The following NRXN3 variants were observed in gnomAD, a reference collection of about 807,000 sequenced individuals.
NRXN3 encodes neurexin III.
NRXN3 carries 32 observed loss-of-function variants against 137.6 expected under a neutral mutation model. The observed-to-expected ratio is 0.23, with a 90% CI of 0.18 to 0.31. NRXN3 has a LOEUF of 0.31. NRXN3 is among the 10% of genes least tolerant of loss of function. The probability of loss-of-function intolerance (pLI) is 1.00; values close to 1 mark genes in which losing one functional copy is unlikely to be tolerated. For synonymous variants in NRXN3, 798 were observed against 784.5 expected, an observed-to-expected ratio of 1.02 and a Z score of -0.29; for missense variants, 1,574 against 2,062.5, an observed-to-expected ratio of 0.76 and a Z score of 4.59.
chr14:79,525,147 T>TG (rs1420621917), intron 16 of NRXN3, among the ~76,000 whole-genome samples: 1 of 152,158 alleles, frequency 6.6e-6, no homozygotes, highest in Non-Finnish European at 1.5e-5. Context: ...TGGCTAGCAT[T>TG]GGGGAAGAAT....
chr14:79,089,264 A>G (rs1447028437), intron 15 of NRXN3, among the ~76,000 whole-genome samples: 3 of 152,200 alleles, frequency 2.0e-5, no homozygotes, highest in Non-Finnish European at 2.9e-5. Flanking sequence ...TTTATAATTT[A>G]CATACCAAAT....
chr14:79,237,053 A>T (rs1276496665), intron 15 of NRXN3, among the ~76,000 whole-genome samples: 2 of 151,780 alleles, frequency 1.3e-5, no homozygotes, highest in Non-Finnish European at 2.9e-5. Flanking sequence ...ACTGCACACT[A>T]ATTATACTGT....
chr14:79,181,385 G>A (rs552753893), intron 15 of NRXN3, among the ~76,000 whole-genome samples: 9 of 152,044 alleles, frequency 5.9e-5, no homozygotes, highest in Non-Finnish European at 1.2e-4. Flanking sequence ...CCCTTAAAGA[G>A]CTTATGATGA....
Position 79,410,167 on chromosome 14 carries a change from C to T in NRXN3, c.3263-57054C>T, listed in dbSNP as rs972175560. Among the ~76,000 whole-genome samples the T allele has an allele frequency of 5.9e-5, 9 of 151,538 alleles. No individual in the cohort carries two copies. In the South Asian group the frequency reaches 8.3e-4, roughly 14 times the overall value. ...GTAATTTTCATGTCTTCCTCATTAC[C>T]GTAAAATATAATGCTTATTTGAGAC... On this transcript the variant is annotated intron_variant, in intron 15 of 20. Coordinates refer to ENST00000335750, the MANE Select transcript of NRXN3 (RefSeq NM_001330195.2).
chr14:79,685,679 AGAG>A (rs2098691843), intron 17 of NRXN3, among the ~76,000 whole-genome samples: 2 of 152,232 alleles, frequency 1.3e-5, no homozygotes, highest in South Asian at 4.1e-4. Context: ...TATCCTTGAT[AGAG>A]GAGGAGAAAT....
chr14:78,711,434 CTTTTTTTTTTTTT>C (rs35251417), intron 7 of NRXN3, among the ~76,000 whole-genome samples: 1 of 99,088 alleles, frequency 1.0e-5, no homozygotes, highest in Non-Finnish European at 1.9e-5. Context: ...ATTCTTTTCT[CTTTTTTTTTTTTT>C]TTTTTTTTTT....
At chr14:79,437,419 A>T (rs1360369882) in intron 15 of NRXN3, among the ~76,000 whole-genome samples, 1 of 152,000 alleles carries the variant, frequency 6.6e-6, no homozygotes, top group East Asian at 1.9e-4. Context: ...GCGTTCTAAA[A>T]AAAAAAAAAA....
intron 15 of NRXN3, among the ~76,000 whole-genome samples, chr14:79,006,848 G>A (rs1188665157): frequency 6.6e-6 from 1 of 151,974 alleles, no homozygotes; most frequent in African/African-American, 2.4e-5. Flanking sequence ...TTTTTTCCCT[G>A]ATGTAGATAA....
chr14:78,758,249 T>C (rs758951945), intron 8 of NRXN3, among the ~76,000 whole-genome samples: 1 of 152,228 alleles, frequency 6.6e-6, no homozygotes, highest in Non-Finnish European at 1.5e-5. Flanking sequence ...AATGAACGTA[T>C]TGTTTTGCTT....
In NRXN3 at chr14:79,862,205, T is replaced by G; in HGVS notation, c.*241T>G. 1 of 470,306 alleles carries G rather than the reference T, an allele frequency of 2.1e-6. No individual in the cohort carries two copies. The highest frequency in any genetic ancestry group is 3.9e-6 in the Non-Finnish European group (1 of 259,056). 29.1% of individuals were successfully genotyped at this position (470,306 alleles called of 1,614,324 possible). On this transcript the variant is annotated 3_prime_UTR_variant, in exon 21 of 21. Coordinates refer to ENST00000335750, the MANE Select transcript of NRXN3 (RefSeq NM_001330195.2). ...CCAGCGGTCGCTGGGAGACAGAAGGTTTTGTGCCCTGCTGTATCATAAAGC... is the reference window on the plus strand; with the variant it reads ...CCAGCGGTCGCTGGGAGACAGAAGGGTTTGTGCCCTGCTGTATCATAAAGC...
At chr14:78,975,055 A>G (rs1468339394) in intron 14 of NRXN3, among the ~76,000 whole-genome samples, 1 of 152,136 alleles carries the variant, frequency 6.6e-6, no homozygotes, top group East Asian at 1.9e-4. Context: ...GTGTTGTTGA[A>G]TTTAACAGGA....
chr14:79,540,115 C>G (rs761094278), intron 16 of NRXN3, among the ~76,000 whole-genome samples: 4 of 152,006 alleles, frequency 2.6e-5, no homozygotes, highest in Admixed American at 6.6e-5. Flanking sequence ...TTTATGCTCA[C>G]CTAGTGTAGT....
intron 10 of NRXN3, among the ~76,000 whole-genome samples, chr14:78,814,743 A>G (rs78228267): frequency 0.021 from 3,271 of 152,290 alleles, 121 homozygotes; most frequent in African/African-American, 0.074. Context: ...CGCGGTTCTG[A>G]AAACAGGTAT....
In NRXN3 at chr14:78,300,687, T is replaced by C. The variant is rs1287927171; in HGVS notation, c.757+2827T>C. 4 of 1,529,802 alleles carry C rather than the reference T, an allele frequency of 2.6e-6. No individual in the cohort carries two copies. In the East Asian group the frequency reaches 9.8e-5, roughly 37 times the overall value. The allele number at this position is 1,529,802 out of a possible 1,614,324, so 94.8% of individuals were successfully genotyped here. ...GGACCTTCATTTCTGTAGGTAGAAG[T>C]AAAGGTAGAGCTCACTTTATTTTTA... On this transcript the variant is annotated intron_variant, in intron 4 of 20. Coordinates refer to ENST00000335750, the MANE Select transcript of NRXN3 (RefSeq NM_001330195.2).
chr14:79,490,826 T>A (rs2096709843), intron 16 of NRXN3, among the ~76,000 whole-genome samples: 1 of 152,188 alleles, frequency 6.6e-6, no homozygotes, highest in Non-Finnish European at 1.5e-5. Flanking sequence ...TTGGATTGTT[T>A]GCAACTCAAT....
chr14:79,299,913 C>G (rs1208886215), intron 15 of NRXN3, among the ~76,000 whole-genome samples: 1 of 152,068 alleles, frequency 6.6e-6, no homozygotes, highest in African/African-American at 2.4e-5. Context: ...ATTTGAGCAT[C>G]CATTCAGCAT....
intron 6 of NRXN3, among the ~76,000 whole-genome samples, chr14:78,665,171 A>G (rs577798993): frequency 2.0e-5 from 3 of 152,332 alleles, no homozygotes; most frequent in Admixed American, 6.5e-5. Flanking sequence ...AAGTGGCATG[A>G]AGGAAATGAA....
chr14:79,783,635 GC>G (rs1360865430), intron 19 of NRXN3, among the ~76,000 whole-genome samples: 1 of 152,046 alleles, frequency 6.6e-6, no homozygotes, highest in East Asian at 1.9e-4. Flanking sequence ...ACTTTAACAA[GC>G]TTTGAGTAAC....
intron 10 of NRXN3, among the ~76,000 whole-genome samples, chr14:78,863,369 A>G (rs2099078103): frequency 6.6e-6 from 1 of 152,162 alleles, no homozygotes; most frequent in Admixed American, 6.6e-5. Flanking sequence ...CGTGCTCTGC[A>G]ACTCAGTCCC....
Sources: gnomAD v4.1 joint callset for allele counts (sites outside exome capture counted in the v4.1 genomes callset) on GRCh38, gnomAD v4.1.1 for gene constraint, MANE v1.5 for transcripts, NCBI Gene and HGNC (gene_info 2026-07-23, HGNC 2026-07-21) for gene names.